PRKG1: variants seen among roughly 807,000 people sequenced by gnomAD.
The protein encoded by PRKG1 is cGMP-dependent protein kinase 1.
Under a neutral mutation model 88.1 loss-of-function variants are expected in PRKG1, and 35 were observed. The observed-to-expected ratio is 0.40, with a 90% CI of 0.30 to 0.53. The LOEUF (loss-of-function observed/expected upper bound fraction) is 0.53. PRKG1 is among the 20% of genes least tolerant of loss of function. The pLI is 0.59. For missense variants in PRKG1, 540 were observed against 839.8 expected (o/e 0.64, Z 4.41); for synonymous variants, 303 against 292.5 (o/e 1.04, Z -0.37).
chr10:51,291,071 A>G (rs923805238), intron 2 of PRKG1, among the ~76,000 whole-genome samples: 2 of 152,104 alleles, frequency 1.3e-5, no homozygotes, highest in Non-Finnish European at 2.9e-5. Flanking sequence ...TGTTTCTTTT[A>G]CACTTATTTC....
At chr10:51,426,079 C>T (rs1838573539) in intron 2 of PRKG1, among the ~76,000 whole-genome samples, 1 of 152,106 alleles carries the variant, frequency 6.6e-6, no homozygotes. Context: ...AGTTTGAGAC[C>T]AGCCTGGCTA....
intron 9 of PRKG1, among the ~76,000 whole-genome samples, chr10:52,206,507 A>T (rs1210449): frequency 0.83 from 125,964 of 152,220 alleles, 52,596 homozygotes; most frequent in Non-Finnish European, 0.89. Flanking sequence ...TTGCCAGAGT[A>T]CTTGCACTGG....
At chr10:51,234,542 A>G (rs1838932469) in intron 2 of PRKG1, among the ~76,000 whole-genome samples, 1 of 152,210 alleles carries the variant, frequency 6.6e-6, no homozygotes, top group Admixed American at 6.5e-5. Flanking sequence ...TTTCTTACCA[A>G]ACAGGATTTA....
intron 1 of PRKG1, among the ~76,000 whole-genome samples, chr10:51,120,090 A>G (rs1845224665): frequency 6.6e-6 from 1 of 152,118 alleles, no homozygotes; most frequent in African/African-American, 2.4e-5. Flanking sequence ...TTTAACTTTT[A>G]AGAAAAAGTT....
At chr10:51,902,663 A>G (rs1842004956) in intron 4 of PRKG1, among the ~76,000 whole-genome samples, 1 of 152,174 alleles carries the variant, frequency 6.6e-6, no homozygotes, top group African/African-American at 2.4e-5. Flanking sequence ...ATGACTAGTA[A>G]GAGCACAGTA....
At chr10:51,140,695 C>T (rs185677666) in intron 1 of PRKG1, among the ~76,000 whole-genome samples, 23 of 152,264 alleles carry the variant, frequency 1.5e-4, no homozygotes, top group Admixed American at 2.0e-4. Context: ...TGAGTGTCCT[C>T]ATAGACTACC....
intron 5 of PRKG1, among the ~76,000 whole-genome samples, chr10:52,024,879 G>A (rs779934018): frequency 2.0e-5 from 3 of 152,154 alleles, no homozygotes. Context: ...GGTATTTCTA[G>A]TTCTAGATCC....
chr10:51,913,949 T>C (rs1464167871), intron 5 of PRKG1, among the ~76,000 whole-genome samples: 1 of 152,196 alleles, frequency 6.6e-6, no homozygotes, highest in East Asian at 1.9e-4. Context: ...TTTGAATTAA[T>C]TGAATGTATT....
rs543047246 is a variant in PRKG1 at position 51,729,175 on chromosome 10, T to A, written c.593-75410T>A. 7.2e-5 allele frequency among the ~76,000 whole-genome samples: 11 copies of A among 152,290 alleles called. No homozygotes were observed. The South Asian group carries it at 1.9e-3, about 26-fold the overall frequency. On this transcript the variant is annotated intron_variant, in intron 3 of 17. Coordinates refer to ENST00000373980, the MANE Select transcript of PRKG1 (RefSeq NM_006258.4). ...ATTCCAGCTAGGCAGTTGTGAACTG[T>A]CCATTTGTCTTATGCAAGAAAGTCT...
chr10:51,384,778 T>C (rs1837208021), intron 2 of PRKG1, among the ~76,000 whole-genome samples: 1 of 152,150 alleles, frequency 6.6e-6, no homozygotes. Context: ...AGGGCAATGG[T>C]CATAACTCAT....
intron 2 of PRKG1, among the ~76,000 whole-genome samples, chr10:51,212,319 G>T (rs1838244980): frequency 6.6e-6 from 1 of 152,104 alleles, no homozygotes; most frequent in Admixed American, 6.6e-5. Context: ...ATTAATTCAA[G>T]ATGGATTAAA....
chr10:51,014,815 T>G (rs1178056949), intron 1 of PRKG1, among the ~76,000 whole-genome samples: 1 of 152,244 alleles, frequency 6.6e-6, no homozygotes, highest in African/African-American at 2.4e-5. Flanking sequence ...AAAGCTGGTC[T>G]GTGACCTCAC....
intron 9 of PRKG1, among the ~76,000 whole-genome samples, chr10:52,222,792 T>A (rs1181133367): frequency 2.0e-5 from 3 of 152,196 alleles, no homozygotes; most frequent in Admixed American, 2.0e-4. Flanking sequence ...AACAGCTGTT[T>A]GTGTTTGGTG....
intron 3 of PRKG1, among the ~76,000 whole-genome samples, chr10:51,617,748 G>A (rs182730035): frequency 2.4e-4 from 37 of 152,194 alleles, no homozygotes; most frequent in Middle Eastern, 3.4e-3. Context: ...ACATTTCTCA[G>A]AATGTTTTCC....
At chr10:51,151,130 CAAAAA>C (rs56202198) in intron 1 of PRKG1, among the ~76,000 whole-genome samples, 3 of 119,880 alleles carry the variant, frequency 2.5e-5, no homozygotes, top group Admixed American at 8.4e-5. Context: ...CACTCTCTGA[CAAAAA>C]AAAAAAAAAA....
At chr10:52,122,903 A>C (rs1847852641) in intron 7 of PRKG1, among the ~76,000 whole-genome samples, 1 of 152,252 alleles carries the variant, frequency 6.6e-6, no homozygotes, top group Middle Eastern at 3.2e-3. Context: ...GTTACTGTCG[A>C]TTCTCAGTTC....
chr10:51,662,383 A>G (rs1224269481), intron 3 of PRKG1, among the ~76,000 whole-genome samples: 3 of 152,168 alleles, frequency 2.0e-5, no homozygotes, highest in East Asian at 1.9e-4. Flanking sequence ...GATAAAAGAT[A>G]AAAGTAATCC....
At chr10:51,189,436 T>C (rs1264816697) in intron 2 of PRKG1, among the ~76,000 whole-genome samples, 1 of 151,892 alleles carries the variant, frequency 6.6e-6, no homozygotes, top group African/African-American at 2.4e-5. Context: ...GCCATTTTGC[T>C]TTATGGTACT....
intron 5 of PRKG1, among the ~76,000 whole-genome samples, chr10:52,008,220 G>A (rs1420847313): frequency 1.3e-5 from 2 of 151,910 alleles, no homozygotes; most frequent in African/African-American, 4.8e-5. Context: ...CAGAAGAACT[G>A]GAGAAGCAAG....
Sources: gnomAD v4.1 joint callset for allele counts (sites outside exome capture counted in the v4.1 genomes callset) on GRCh38, gnomAD v4.1.1 for gene constraint, MANE v1.5 for transcripts, NCBI Gene and HGNC (gene_info 2026-07-23, HGNC 2026-07-21) for gene names.